Variants in SUPT3H observed in about 807,000 individuals in gnomAD.
The protein encoded by SUPT3H is SPT3 homolog, SAGA and STAGA complex component, also known as transcription initiation protein SPT3 homolog.
A neutral mutation model predicts 44.3 loss-of-function variants in SUPT3H; 44 were observed. The ratio of observed to expected loss-of-function variants is 0.99; its 90% CI spans 0.78 to 1.28. The LOEUF is 1.28. Among genes scored for constraint, SUPT3H ranks in the 50% most tolerant of loss-of-function variants. The probability of loss-of-function intolerance (pLI) is 0.00; values close to 1 mark genes in which losing one functional copy is unlikely to be tolerated. For synonymous variants in SUPT3H, 124 were observed against 125.6 expected (o/e 0.99, Z 0.09); for missense variants, 380 against 387.1 (o/e 0.98, Z 0.15).
intron 2 of SUPT3H, among the ~76,000 whole-genome samples, chr6:45,352,837 A>G (rs1356009254): frequency 6.6e-6 from 1 of 152,086 alleles, no homozygotes; most frequent in Non-Finnish European, 1.5e-5. Context: ...ATATAATTCT[A>G]TTAGTCAGAA....
chr6:44,941,948 A>G (rs1772509550), intron 9 of SUPT3H, among the ~76,000 whole-genome samples: 1 of 152,170 alleles, frequency 6.6e-6, no homozygotes, highest in Non-Finnish European at 1.5e-5. Flanking sequence ...GTGGAACAAT[A>G]TTAATTCTGA....
At chr6:45,136,939 G>A (rs1804382331) in intron 2 of SUPT3H, among the ~76,000 whole-genome samples, 1 of 152,036 alleles carries the variant, frequency 6.6e-6, no homozygotes, top group Non-Finnish European at 1.5e-5. Flanking sequence ...TCCAGTCTCA[G>A]CAAACTCCAG....
intron 2 of SUPT3H, among the ~76,000 whole-genome samples, chr6:45,268,240 C>T (rs1397682486): frequency 6.6e-6 from 1 of 152,078 alleles, no homozygotes; most frequent in Admixed American, 6.6e-5. Context: ...CTTGTAATTA[C>T]AATTCACACT....
At chr6:44,976,375 T>C (rs906454242) in intron 6 of SUPT3H, among the ~76,000 whole-genome samples, 1 of 152,138 alleles carries the variant, frequency 6.6e-6, no homozygotes, top group East Asian at 1.9e-4. Flanking sequence ...TTTTTTTTTT[T>C]TCTTGAGACA....
At chr6:45,370,245 G>A (rs79840815) in intron 1 of SUPT3H, among the ~76,000 whole-genome samples, 3,101 of 152,266 alleles carry the variant, frequency 0.02, 43 homozygotes, top group Non-Finnish European at 0.033. Flanking sequence ...CAGATTTCTG[G>A]AATACATTTT....
rs564259224 is a variant in SUPT3H at position 45,179,086 on chromosome 6, G to T, written c.102-73080C>A. Among the ~76,000 whole-genome samples the T allele has an allele frequency of 5.7e-4, 87 of 152,138 alleles. 1 individual carries two copies. The highest frequency in any genetic ancestry group is 2.0e-3 in the African/African-American group (85 of 41,526). On this transcript the variant is annotated intron_variant, in intron 2 of 10. Coordinates refer to ENST00000371459, the MANE Select transcript of SUPT3H (RefSeq NM_003599.4). ...CACAGAAATACAAACTACCATCAGA[G>T]AATACTACAAACACCTCTACGCAAA... is the stretch of plus-strand genomic sequence containing the variant.
At chr6:45,211,967 C>T (rs905771763) in intron 2 of SUPT3H, among the ~76,000 whole-genome samples, 1 of 151,958 alleles carries the variant, frequency 6.6e-6, no homozygotes, top group Non-Finnish European at 1.5e-5. Flanking sequence ...AGTTCAAGAC[C>T]AGCCTGACCA....
At chr6:45,028,684 C>T (rs1245796715) in intron 3 of SUPT3H, among the ~76,000 whole-genome samples, 1 of 151,882 alleles carries the variant, frequency 6.6e-6, no homozygotes, top group Non-Finnish European at 1.5e-5. Flanking sequence ...ACCTTCACAG[C>T]AAACTTATGA....
At chr6:44,816,528 C>A (rs191817311) in intron 11 of SUPT3H, among the ~76,000 whole-genome samples, 37 of 152,078 alleles carry the variant, frequency 2.4e-4, no homozygotes, top group Non-Finnish European at 4.6e-4. Flanking sequence ...ACTTCAGACC[C>A]TGATAGCCTC....
intron 3 of SUPT3H, among the ~76,000 whole-genome samples, chr6:45,034,434 T>C (rs1256470458): frequency 2.0e-5 from 3 of 152,094 alleles, no homozygotes; most frequent in Non-Finnish European, 4.4e-5. Context: ...AGAAGACATT[T>C]AGTGTCATAT....
At chr6:44,938,808 T>C (rs1027337835) in intron 9 of SUPT3H, among the ~76,000 whole-genome samples, 6 of 152,200 alleles carry the variant, frequency 3.9e-5, no homozygotes, top group Admixed American at 2.0e-4. Flanking sequence ...TAAATATTAC[T>C]AGATATTTTG....
intron 2 of SUPT3H, among the ~76,000 whole-genome samples, chr6:45,208,531 CTGGCCAACA>C (rs1763559521): frequency 6.6e-6 from 1 of 152,138 alleles, no homozygotes; most frequent in South Asian, 2.1e-4. Flanking sequence ...TGAGACCATC[CTGGCCAACA>C]TGGTGAAACC....
At chr6:45,136,888 C>A (rs774152124) in intron 2 of SUPT3H, among the ~76,000 whole-genome samples, 1 of 151,920 alleles carries the variant, frequency 6.6e-6, no homozygotes, top group African/African-American at 2.4e-5. Flanking sequence ...AGAAATATGG[C>A]CAAAAAATTC....
At chr6:45,230,686 A>ATTTTTTTTT (rs1554294714) in intron 2 of SUPT3H, among the ~76,000 whole-genome samples, 16 of 116,796 alleles carry the variant, frequency 1.4e-4, no homozygotes, top group African/African-American at 4.7e-4. Context: ...ATATATATAT[A>ATTTTTTTTT]TTTTTGAGAT....
chr6:45,325,413 T>C (rs1180926956), intron 2 of SUPT3H, among the ~76,000 whole-genome samples: 1 of 151,858 alleles, frequency 6.6e-6, no homozygotes, highest in African/African-American at 2.4e-5. Context: ...CCTTGGTATT[T>C]TCAAAAGTTC....
intron 3 of SUPT3H, among the ~76,000 whole-genome samples, chr6:45,068,409 C>T (rs1201992301): frequency 6.8e-6 from 1 of 147,736 alleles, no homozygotes; most frequent in Non-Finnish European, 1.5e-5. Flanking sequence ...CACATGTATA[C>T]ATATGTAACT....
chr6:44,888,218 C>G (rs1164965481), intron 10 of SUPT3H, among the ~76,000 whole-genome samples: 4 of 152,194 alleles, frequency 2.6e-5, no homozygotes, highest in East Asian at 1.9e-4. Context: ...CCTTCTGAAA[C>G]TATTCCAATC....
chr6:44,906,388 C>A (rs1221241281), intron 10 of SUPT3H, among the ~76,000 whole-genome samples: 1 of 152,116 alleles, frequency 6.6e-6, no homozygotes, highest in Non-Finnish European at 1.5e-5. Context: ...GCCACCAAAT[C>A]TATTTCACGA....
chr6:45,117,421 T>G lies in SUPT3H; in HGVS notation c.102-11415A>C, dbSNP rs141991788. On this transcript the variant is annotated intron_variant, in intron 2 of 10. Transcript: ENST00000371459. Reference sequence around the variant, plus strand: ...AAAGTAAAATTATTTTATACTGATATCAATTGTGAGCTCATGCAAGTTCCT... The same window carrying G: ...AAAGTAAAATTATTTTATACTGATAGCAATTGTGAGCTCATGCAAGTTCCT... 4.6e-5 allele frequency among the ~76,000 whole-genome samples: 7 copies of G among 152,226 alleles called. No individual in the cohort carries two copies. In the East Asian group the frequency reaches 1.4e-3, roughly 29 times the overall value.
Sources: gnomAD v4.1 joint callset for allele counts (sites outside exome capture counted in the v4.1 genomes callset) on GRCh38, gnomAD v4.1.1 for gene constraint, MANE v1.5 for transcripts, NCBI Gene and HGNC (gene_info 2026-07-23, HGNC 2026-07-21) for gene names.